Variants in DMD observed in about 807,000 individuals in gnomAD.
DMD encodes the protein dystrophin, also known as mutant dystrophin.
In DMD, 63 loss-of-function variants were observed where a neutral mutation model predicts 330.1. That is an observed-to-expected ratio of 0.19 (90% confidence interval 0.16 to 0.24). The LOEUF is 0.24. Among genes scored for constraint, DMD ranks in the 10% least tolerant of loss-of-function variants. The pLI is 1.00. For missense variants in DMD, 3,344 were observed against 2,684.1 expected, an observed-to-expected ratio of 1.25 and a Z score of -5.43; for synonymous variants, 1,223 against 959.8, an observed-to-expected ratio of 1.27 and a Z score of -5.07.
intron 9 of DMD, among the ~76,000 whole-genome samples, chrX:32,655,313 G>A (rs1386350604): frequency 1.8e-5 from 2 of 112,141 alleles, no homozygotes; most frequent in Non-Finnish European, 3.8e-5. Flanking sequence ...CTTTAAATGT[G>A]TCCCACAGAT....
At chrX:32,504,102 G>C in intron 18 of DMD, among the ~76,000 whole-genome samples, 1 of 111,579 alleles carries the variant, frequency 9.0e-6, no homozygotes, top group Non-Finnish European at 1.9e-5. Flanking sequence ...TTAAACAAAT[G>C]GTCCTGAACA....
chrX:32,739,014 G>A (rs950961472), intron 7 of DMD, among the ~76,000 whole-genome samples: 8 of 111,916 alleles, frequency 7.1e-5, no homozygotes, highest in Non-Finnish European at 1.1e-4. Flanking sequence ...ACTTCAGGAT[G>A]TTTTGCAATT....
intron 44 of DMD, among the ~76,000 whole-genome samples, chrX:32,070,225 A>C (rs1276569106): frequency 9.0e-6 from 1 of 111,369 alleles, no homozygotes; most frequent in Non-Finnish European, 1.9e-5. Context: ...GAGGAAGGTG[A>C]ACCATGCAGT....
At chrX:32,815,520 TACACACAC>T (rs1557051739) in intron 6 of DMD, among the ~76,000 whole-genome samples, 17 of 78,957 alleles carry the variant, frequency 2.2e-4, no homozygotes, top group Non-Finnish European at 3.5e-4. Context: ...TATATATATA[TACACACAC>T]ACACACACAT....
At chrX:32,767,637 A>G (rs1398773882) in intron 7 of DMD, among the ~76,000 whole-genome samples, 3 of 111,811 alleles carry the variant, frequency 2.7e-5, no homozygotes, top group Admixed American at 9.5e-5. Context: ...GGAACAAAGC[A>G]TCTAATTACT....
chrX:32,202,736 T>C (rs2405686), intron 44 of DMD, among the ~76,000 whole-genome samples: 9,474 of 111,935 alleles, frequency 0.085, 334 homozygotes, highest in East Asian at 0.25. Context: ...ATGATTGTCA[T>C]GTGGTATGTC....
chrX:33,011,439 GC>G (rs959591627), intron 2 of DMD, among the ~76,000 whole-genome samples: 7 of 111,809 alleles, frequency 6.3e-5, no homozygotes, highest in African/African-American at 2.3e-4. Flanking sequence ...AATTGTCTCT[GC>G]GTAGACAACA....
At chrX:31,213,170 T>C (rs1277145127) in intron 64 of DMD, among the ~76,000 whole-genome samples, 3 of 112,532 alleles carry the variant, frequency 2.7e-5, no homozygotes, top group Non-Finnish European at 3.8e-5. Flanking sequence ...TTTGATGTAG[T>C]TGTCTGTGCA....
chrX:31,672,983 A>G (rs1380600029), intron 53 of DMD, among the ~76,000 whole-genome samples: 2 of 112,531 alleles, frequency 1.8e-5, no homozygotes, highest in Non-Finnish European at 3.7e-5. Context: ...GGCTTTTCCT[A>G]GAAAGTTATC....
intron 55 of DMD, among the ~76,000 whole-genome samples, chrX:31,567,032 G>A (rs968155906): frequency 9.0e-6 from 1 of 111,299 alleles, no homozygotes; most frequent in Non-Finnish European, 1.9e-5. Context: ...ACTAGCTTTG[G>A]TGTGTTGATC....
At chrX:32,862,823 G>A (rs1006200372) in intron 2 of DMD, among the ~76,000 whole-genome samples, 4 of 110,693 alleles carry the variant, frequency 3.6e-5, no homozygotes, top group Admixed American at 9.7e-5. Flanking sequence ...TGCAACCTCC[G>A]CCTCCCAGGT....
intron 19 of DMD, among the ~76,000 whole-genome samples, chrX:32,495,862 T>A (rs2043443971): frequency 8.9e-6 from 1 of 111,939 alleles, no homozygotes; most frequent in African/African-American, 3.2e-5. Flanking sequence ...GTGTTAGCTA[T>A]TTAAGAATAC....
At chrX:32,199,780 TTGTGTGTGTG>T (rs35897988) in intron 44 of DMD, among the ~76,000 whole-genome samples, 1,030 of 84,116 alleles carry the variant, frequency 0.012, 25 homozygotes, top group African/African-American at 0.045. Flanking sequence ...CGCAAGGCTT[TTGTGTGTGTG>T]TGTGTGTGTG....
At chrX:32,719,542 C>A (rs5927097) in intron 7 of DMD, among the ~76,000 whole-genome samples, 24,104 of 110,613 alleles carry the variant, frequency 0.22, 2,416 homozygotes, top group South Asian at 0.38. Context: ...AAAGTTTAAA[C>A]TGATTATGTT....
chrX:32,493,142 T>C (rs1487820940), intron 19 of DMD, among the ~76,000 whole-genome samples: 1 of 111,606 alleles, frequency 9.0e-6, no homozygotes, highest in African/African-American at 3.3e-5. Context: ...AAAAAAAATA[T>C]AGATGTGAAT....
intron 44 of DMD, among the ~76,000 whole-genome samples, chrX:32,019,413 A>G (rs948898108): frequency 8.9e-6 from 1 of 112,330 alleles, no homozygotes; most frequent in Non-Finnish European, 1.9e-5. Context: ...TTACAAGATA[A>G]TCTTTGAATT....
intron 44 of DMD, among the ~76,000 whole-genome samples, chrX:32,033,861 T>C (rs1456754398): frequency 8.9e-6 from 1 of 111,853 alleles, no homozygotes; most frequent in Non-Finnish European, 1.9e-5. Flanking sequence ...AGGCAACCAT[T>C]TGCACACTTA....
intron 54 of DMD, among the ~76,000 whole-genome samples, chrX:31,654,475 C>CT (rs75843009): frequency 0.026 from 2,904 of 111,501 alleles, 45 homozygotes; most frequent in African/African-American, 0.051. Context: ...TTAATCTTTC[C>CT]TTTTTAAGAT....
intron 48 of DMD, among the ~76,000 whole-genome samples, chrX:31,872,943 C>G (rs922071852): frequency 1.8e-4 from 20 of 110,855 alleles, no homozygotes; most frequent in African/African-American, 6.6e-4. Context: ...GATCCTAGAA[C>G]TGATGGCTTC....
Sources: allele counts gnomAD v4.1 joint callset (sites outside exome capture counted in the v4.1 genomes callset), GRCh38; gene constraint gnomAD v4.1.1; transcripts MANE v1.5; gene names NCBI Gene and HGNC (gene_info 2026-07-23, HGNC 2026-07-21).